CTNNA3: variants seen among roughly 807,000 people sequenced by gnomAD.
CTNNA3 encodes catenin alpha-3.
A neutral mutation model predicts 95.7 loss-of-function variants in CTNNA3; 76 were observed. The ratio of observed to expected loss-of-function variants is 0.79; its 90% CI spans 0.66 to 0.96. The LOEUF (loss-of-function observed/expected upper bound fraction) is 0.96, where lower values mean the gene tolerates loss of function less well. Ranked by LOEUF, CTNNA3 falls within the 40% of genes least tolerant of loss-of-function variation. CTNNA3 has a pLI of 0.00. For synonymous variants in CTNNA3, 431 were observed against 374.4 expected (o/e 1.15, Z -1.74); for missense variants, 1,191 against 1,089.8 (o/e 1.09, Z -1.31).
intron 10 of CTNNA3, among the ~76,000 whole-genome samples, chr10:66,537,436 T>C (rs778327420): frequency 3.3e-5 from 5 of 152,096 alleles, no homozygotes; most frequent in Non-Finnish European, 7.4e-5. Flanking sequence ...AAATCCTCCA[T>C]TGAAATTAGA....
intron 13 of CTNNA3, among the ~76,000 whole-genome samples, chr10:66,186,310 TAG>T (rs372778611): frequency 2.1e-5 from 3 of 140,754 alleles, no homozygotes; most frequent in Admixed American, 1.4e-4. Context: ...GTGTGAGAGA[TAG>T]AGAGAGAGAG....
intron 12 of CTNNA3, among the ~76,000 whole-genome samples, chr10:66,319,044 T>A (rs1208603715): frequency 6.6e-6 from 1 of 152,032 alleles, no homozygotes; most frequent in Non-Finnish European, 1.5e-5. Context: ...AGTTATTAAA[T>A]GAGTCAATTT....
intron 11 of CTNNA3, among the ~76,000 whole-genome samples, chr10:66,451,344 T>C (rs944086182): frequency 5.9e-5 from 9 of 152,194 alleles, no homozygotes; most frequent in African/African-American, 2.2e-4. Flanking sequence ...AATGTTATTA[T>C]AATTATCCCC....
chr10:67,101,426 TGTA>T (rs567294160), intron 7 of CTNNA3, among the ~76,000 whole-genome samples: 212 of 148,282 alleles, frequency 1.4e-3, no homozygotes, highest in African/African-American at 5.1e-3. Context: ...TTTTTTTACT[TGTA>T]ATAATAGAGA....
chr10:66,091,688 T>C (rs1404063938), intron 14 of CTNNA3, among the ~76,000 whole-genome samples: 1 of 151,750 alleles, frequency 6.6e-6, no homozygotes, highest in East Asian at 1.9e-4. Flanking sequence ...GAGTTGGAAA[T>C]GGAGTCACAG....
intron 13 of CTNNA3, among the ~76,000 whole-genome samples, chr10:66,132,736 A>C (rs1420476023): frequency 6.6e-6 from 1 of 152,216 alleles, no homozygotes; most frequent in African/African-American, 2.4e-5. Flanking sequence ...GAATGAGATC[A>C]TGTCTTTTAC....
At chr10:66,242,116 A>C (rs947690576) in intron 13 of CTNNA3, among the ~76,000 whole-genome samples, 2 of 152,156 alleles carry the variant, frequency 1.3e-5, no homozygotes, top group African/African-American at 4.8e-5. Context: ...TCCCTGTGCC[A>C]CTTCAGAACT....
intron 5 of CTNNA3, among the ~76,000 whole-genome samples, chr10:67,329,903 C>T (rs188558822): frequency 1.2e-4 from 18 of 152,290 alleles, no homozygotes; most frequent in Admixed American, 5.2e-4. Flanking sequence ...GGAACCCAGG[C>T]GTCTTCCAAC....
chr10:66,721,313 G>C (rs1372098042), intron 9 of CTNNA3, among the ~76,000 whole-genome samples: 1 of 152,188 alleles, frequency 6.6e-6, no homozygotes, highest in Non-Finnish European at 1.5e-5. Flanking sequence ...CCCAGAAGGT[G>C]TGCAAGATGA....
intron 8 of CTNNA3, among the ~76,000 whole-genome samples, chr10:66,768,321 A>G (rs1839947203): frequency 1.3e-5 from 2 of 152,168 alleles, no homozygotes; most frequent in Non-Finnish European, 2.9e-5. Context: ...GGGCCAGCAT[A>G]TGGGAACTAA....
At chr10:66,206,994 G>A (rs2087800189) in intron 13 of CTNNA3, among the ~76,000 whole-genome samples, 1 of 151,772 alleles carries the variant, frequency 6.6e-6, no homozygotes, top group Admixed American at 6.6e-5. Context: ...CAGTCTCTTG[G>A]CAGATAAGAG....
chr10:67,654,758 C>G (rs1839974489), intron 1 of CTNNA3, among the ~76,000 whole-genome samples: 1 of 152,184 alleles, frequency 6.6e-6, no homozygotes. Context: ...AAGTATTAAG[C>G]TGTGTGACAA....
At chr10:66,063,884 GA>G (rs142718961) in intron 15 of CTNNA3, among the ~76,000 whole-genome samples, 2,856 of 152,132 alleles carry the variant, frequency 0.019, 96 homozygotes, top group African/African-American at 0.065. Context: ...ACTTCTTCCT[GA>G]ATATAAGAAT....
chr10:66,904,571 C>T lies in CTNNA3; in HGVS notation c.1048-129047G>A, dbSNP rs181338113. 5.7e-4 allele frequency among the ~76,000 whole-genome samples: 86 copies of T among 152,070 alleles called. No individual in the cohort carries two copies. In the East Asian group the frequency reaches 6.4e-3, roughly 11 times the overall value. On this transcript the variant is annotated intron_variant, in intron 7 of 17. Transcript: ENST00000433211. ...ACAGCAAAAGAAACCATCATCAGAG[C>T]GAACAGACAAGCTACAGAATGGGAG...
At chr10:66,120,670 A>G (rs1452206671) in intron 13 of CTNNA3, among the ~76,000 whole-genome samples, 1 of 152,172 alleles carries the variant, frequency 6.6e-6, no homozygotes, top group Non-Finnish European at 1.5e-5. Context: ...TAAAAATATT[A>G]TTGCTTTTTT....
intron 15 of CTNNA3, among the ~76,000 whole-genome samples, chr10:66,062,426 C>A (rs2080221486): frequency 6.6e-6 from 1 of 152,076 alleles, no homozygotes; most frequent in Admixed American, 6.6e-5. Flanking sequence ...CCCTCACTCT[C>A]ACAGGTCCCA....
chr10:65,944,991 A>G (rs548483384), intron 17 of CTNNA3, among the ~76,000 whole-genome samples: 3 of 152,204 alleles, frequency 2.0e-5, no homozygotes, highest in African/African-American at 7.2e-5. Context: ...AAAACATAGC[A>G]CCTTACAGAG....
intron 15 of CTNNA3, among the ~76,000 whole-genome samples, chr10:66,016,919 C>A (rs955431194): frequency 6.6e-6 from 1 of 152,050 alleles, no homozygotes; most frequent in Non-Finnish European, 1.5e-5. Flanking sequence ...ATTAGTATAA[C>A]CTCTAACCTT....
intron 4 of CTNNA3, 79 bp downstream of exon 4, chr10:67,539,424 C>T (rs1589403877): frequency 3.3e-6 from 5 of 1,500,564 alleles, no homozygotes; most frequent in Admixed American, 1.7e-5. Flanking sequence ...CCAAGATGCA[C>T]TAGGATCGAC....
Sources: gnomAD v4.1 joint callset for allele counts (sites outside exome capture counted in the v4.1 genomes callset) on GRCh38, gnomAD v4.1.1 for gene constraint, MANE v1.5 for transcripts, NCBI Gene and HGNC (gene_info 2026-07-23, HGNC 2026-07-21) for gene names.